The following DMD variants were observed in gnomAD, a reference collection of about 807,000 sequenced individuals.
DMD encodes mutant dystrophin.
DMD carries 63 observed loss-of-function variants against 330.1 expected under a neutral mutation model. That is an observed-to-expected ratio of 0.19 (90% CI 0.16 to 0.24). The LOEUF (loss-of-function observed/expected upper bound fraction) is 0.24, where lower values mean the gene tolerates loss of function less well. Among genes scored for constraint, DMD ranks in the 10% least tolerant of loss-of-function variants. The pLI is 1.00. For synonymous variants in DMD, 1,223 were observed against 959.8 expected (o/e 1.27, Z -5.07); for missense variants, 3,344 against 2,684.1 (o/e 1.25, Z -5.43).
At chrX:33,224,904 T>G (rs937449400) in intron 1 of DMD, among the ~76,000 whole-genome samples, 30 of 111,622 alleles carry the variant, frequency 2.7e-4, no homozygotes, top group African/African-American at 9.4e-4. Context: ...AACAATCACT[T>G]GCATTCTGTG....
At chrX:31,142,533 C>CA (rs1263601828) in intron 76 of DMD, among the ~76,000 whole-genome samples, 1 of 112,001 alleles carries the variant, frequency 8.9e-6, no homozygotes, top group Non-Finnish European at 1.9e-5. Flanking sequence ...GCAGTTTTGC[C>CA]ATAAGTTTGA....
At chrX:32,147,620 C>T (rs2096784102) in intron 44 of DMD, among the ~76,000 whole-genome samples, 2 of 110,918 alleles carry the variant, frequency 1.8e-5, no homozygotes, top group Non-Finnish European at 3.8e-5. Context: ...GTGATGTTAA[C>T]ATAAAAGAAG....
At chrX:33,154,981 T>A (rs1030525571) in intron 1 of DMD, among the ~76,000 whole-genome samples, 1 of 112,298 alleles carries the variant, frequency 8.9e-6, no homozygotes, top group Admixed American at 9.5e-5. Context: ...TTAACAAAAT[T>A]ATCAGAGACA....
chrX:31,224,836 C>T lies in DMD; in HGVS notation c.9287-1715G>A, dbSNP rs190338890. Among the ~76,000 whole-genome samples the T allele has an allele frequency of 1.1e-4, 12 of 111,990 alleles. No individual in the cohort carries two copies. The East Asian group carries it at 3.1e-3, about 29-fold the overall frequency. Reference sequence around the variant, plus strand: ...AAGGAACTAACTACTGATAATGCAACAATGTGAACTGATCTGAAAAACACT... The same window carrying T: ...AAGGAACTAACTACTGATAATGCAATAATGTGAACTGATCTGAAAAACACT... On this transcript the variant is annotated intron_variant, in intron 63 of 78. Coordinates refer to ENST00000357033, the MANE Select transcript of DMD (RefSeq NM_004006.3).
intron 2 of DMD, among the ~76,000 whole-genome samples, chrX:32,985,876 C>T (rs770514563): frequency 1.8e-5 from 2 of 111,626 alleles, no homozygotes; most frequent in African/African-American, 6.5e-5. Context: ...ACTGCTTTGT[C>T]CCCCAAAGGC....
chrX:31,545,351 C>T (rs1163121919), intron 55 of DMD, among the ~76,000 whole-genome samples: 1 of 111,597 alleles, frequency 9.0e-6, no homozygotes, highest in African/African-American at 3.3e-5. Flanking sequence ...TTCTGTTAAC[C>T]GGTGTGAGCT....
intron 43 of DMD, among the ~76,000 whole-genome samples, chrX:32,238,444 TGAGAGAGAGA>T (rs200601285): frequency 1.2e-4 from 12 of 98,961 alleles, no homozygotes; most frequent in Non-Finnish European, 2.5e-4. Flanking sequence ...AAGCAATGCA[TGAGAGAGAGA>T]GAGAGAGAGA....
intron 47 of DMD, among the ~76,000 whole-genome samples, chrX:31,904,123 T>A (rs1246023470): frequency 9.0e-6 from 1 of 111,697 alleles, no homozygotes; most frequent in African/African-American, 3.2e-5. Context: ...TCCAATCATG[T>A]ATGTATTAAA....
chrX:32,958,590 A>C lies in DMD; in HGVS notation c.93+61549T>G, dbSNP rs1432328697. ...TAAGAAAATATATATTTTTATCTCA[A>C]GTAATCTCAAGTTAAGATTACTACC... is the stretch of plus-strand genomic sequence containing the variant. On this transcript the variant is annotated intron_variant, in intron 2 of 78. Transcript: ENST00000357033. 4.5e-5 allele frequency among the ~76,000 whole-genome samples: 5 copies of C among 111,566 alleles called. No individual in the cohort carries two copies. In the Admixed American group the frequency reaches 4.8e-4, roughly 11 times the overall value.
intron 2 of DMD, among the ~76,000 whole-genome samples, chrX:32,983,554 CACACACACACACACACACACAT>C (rs1344496177): frequency 0.011 from 1,014 of 93,285 alleles, 25 homozygotes; most frequent in African/African-American, 0.049. Context: ...CACACACACA[CACACACACACACACACACACAT>C]ATAGGAACAC....
chrX:32,626,444 G>C (rs1387358480), intron 11 of DMD, among the ~76,000 whole-genome samples: 3 of 104,937 alleles, frequency 2.9e-5, no homozygotes, highest in Non-Finnish European at 5.7e-5. Flanking sequence ...ACTCCAGCCT[G>C]GGTGAAAGAA....
intron 55 of DMD, among the ~76,000 whole-genome samples, chrX:31,574,272 T>C (rs922869484): frequency 9.4e-6 from 1 of 106,491 alleles, no homozygotes; most frequent in Non-Finnish European, 1.9e-5. Context: ...GCCTCCTGAG[T>C]AGCTGGGACC....
chrX:32,791,380 A>C (rs1048563413), intron 7 of DMD, among the ~76,000 whole-genome samples: 2 of 111,638 alleles, frequency 1.8e-5, no homozygotes, highest in Non-Finnish European at 3.8e-5. Flanking sequence ...ATGCCAATGT[A>C]CACAGCTCTG....
intron 1 of DMD, among the ~76,000 whole-genome samples, chrX:33,296,588 A>T (rs975182000): frequency 9.0e-6 from 1 of 111,188 alleles, no homozygotes; most frequent in Non-Finnish European, 1.9e-5. Context: ...AAATTTTAGA[A>T]AAAAGAAAAA....
chrX:31,736,469 A>C (rs952828171), intron 51 of DMD, among the ~76,000 whole-genome samples: 4 of 111,794 alleles, frequency 3.6e-5, no homozygotes, highest in Non-Finnish European at 7.5e-5. Context: ...ATGGCTGCTG[A>C]AATCTCAAAT....
chrX:32,471,222 G>A (rs752415771), intron 22 of DMD, among the ~76,000 whole-genome samples: 1 of 111,718 alleles, frequency 9.0e-6, no homozygotes, highest in South Asian at 3.7e-4. Flanking sequence ...AGGTTGCAGT[G>A]AGCCGAGATA....
intron 27 of DMD, among the ~76,000 whole-genome samples, chrX:32,444,214 G>T (rs1232474009): frequency 9.1e-6 from 1 of 110,435 alleles, no homozygotes; most frequent in East Asian, 2.8e-4. Flanking sequence ...TTATGATTTA[G>T]CAAGGAAACT....
At chrX:32,560,450 T>G (rs2050861952) in intron 16 of DMD, among the ~76,000 whole-genome samples, 1 of 111,208 alleles carries the variant, frequency 9.0e-6, no homozygotes, top group Non-Finnish European at 1.9e-5. Context: ...CACATTTATT[T>G]TTTTAAGTTC....
At chrX:33,184,331 G>A (rs928816232) in intron 1 of DMD, among the ~76,000 whole-genome samples, 6 of 111,622 alleles carry the variant, frequency 5.4e-5, no homozygotes, top group African/African-American at 1.3e-4. Flanking sequence ...ATAAAATAAC[G>A]CACTATTCTT....
Sources: allele counts gnomAD v4.1 joint callset (sites outside exome capture counted in the v4.1 genomes callset), GRCh38; gene constraint gnomAD v4.1.1; transcripts MANE v1.5; gene names NCBI Gene and HGNC (gene_info 2026-07-23, HGNC 2026-07-21).